PRTG: variants seen among roughly 807,000 people sequenced by gnomAD.
PRTG encodes protogenin.
In PRTG, 67 loss-of-function variants were observed where a neutral mutation model predicts 122.5. The observed-to-expected ratio is 0.55, with a 90% CI of 0.45 to 0.67. The LOEUF is 0.67. Among genes scored for constraint, PRTG ranks in the 30% least tolerant of loss-of-function variants. The pLI is 0.00. For missense variants in PRTG, 1,435 were observed against 1,415.4 expected, an observed-to-expected ratio of 1.01 and a Z score of -0.22; for synonymous variants, 554 against 501.1, an observed-to-expected ratio of 1.11 and a Z score of -1.41.
chr15:55,638,668 G>A lies in PRTG; in HGVS notation c.2333C>T (p.Thr778Ile). ...TTCTAGACCTTGAACCAACATGTGA[G>A]TTTCTGATCTATAATAACGAGTGAT... ...SLVLYLQTSE[T>I]HMLVQGLEPN... Residue 778 changes from threonine to isoleucine, a missense_variant, in exon 14 of 20, where the codon ACT becomes ATT. Transcript: ENST00000389286. The A allele has an allele frequency of 1.9e-6, 3 of 1,612,272 alleles. No individual in the cohort carries two copies. Among genetic ancestry groups the A allele is most frequent in the Non-Finnish European group, 2.5e-6 (3 of 1,179,302 alleles).
Position 55,612,308 on chromosome 15 carries a change from C to T in PRTG, c.*7704G>A, listed in dbSNP as rs1486966323. ...ACAGTTCCATAGAAAAAATAAACTT[C>T]TGTAACATAAATTTTTTTTCAGTTG... On this transcript the variant is annotated 3_prime_UTR_variant, in exon 20 of 20. Transcript: ENST00000389286. 1 of 151,946 alleles carries T rather than the reference C, an allele frequency of 6.6e-6. No individual in the cohort carries two copies. Among genetic ancestry groups the T allele is most frequent in the East Asian group, 1.9e-4 (1 of 5,202 alleles). 9.4% of individuals were successfully genotyped at this position (151,946 alleles called of 1,614,324 possible).
In PRTG at chr15:55,734,075, G is replaced by A. The variant is rs117915999; in HGVS notation, c.397+6307C>T. Among the ~76,000 whole-genome samples the A allele has an allele frequency of 4.3e-4, 66 of 152,270 alleles. No homozygotes were observed. In the East Asian group the frequency reaches 0.01, roughly 23 times the overall value. ...TGTCACAACTGGAAGAGAGTCTATC[G>A]GTATTGGGAGGGTAGAGGCCAGGGA... On this transcript the variant is annotated intron_variant, in intron 2 of 19. Transcript: ENST00000389286.
chr15:55,680,759 T>C (rs962991112), intron 4 of PRTG, 131 bp from the exon 5 acceptor site: 7 of 498,130 alleles, frequency 1.4e-5, no homozygotes, highest in African/African-American at 1.0e-4. Context: ...ATAACTCACA[T>C]ACCATCCAAT....
At chr15:55,642,941 G>C (rs1225354525) in intron 11 of PRTG, among the ~76,000 whole-genome samples, 2 of 151,998 alleles carry the variant, frequency 1.3e-5, no homozygotes, top group Non-Finnish European at 2.9e-5. Context: ...TGGTGTGGTG[G>C]TGCATGCCAT....
chr15:55,622,990 T>C, intron 18 of PRTG, among the ~76,000 whole-genome samples: 1 of 152,242 alleles, frequency 6.6e-6, no homozygotes, highest in Non-Finnish European at 1.5e-5. Flanking sequence ...CATTTATTCA[T>C]ATTTACCTAT....
At position 55,689,107 on chromosome 15, in the gene PRTG, A is replaced by G. The variant is rs373461400; in HGVS notation, c.398-5176T>C. The stretch of plus-strand genomic sequence containing the variant: ...AGCCTCTTATCTTGTTTCTGCTTTC[A>G]TTCTTCCCTTCCCCTCTTCAAAACA... On this transcript the variant is annotated intron_variant, in intron 2 of 19. Coordinates refer to ENST00000389286, the MANE Select transcript of PRTG (RefSeq NM_173814.6). Among the ~76,000 whole-genome samples, 41 of 152,216 alleles carry G rather than the reference A, an allele frequency of 2.7e-4. No homozygotes were observed. In the East Asian group the frequency reaches 7.0e-3, roughly 26 times the overall value.
chr15:55,657,340 CTA>C (rs2059385973), intron 11 of PRTG, among the ~76,000 whole-genome samples: 1 of 152,074 alleles, frequency 6.6e-6, no homozygotes, highest in Non-Finnish European at 1.5e-5. Context: ...GGACGTGTAG[CTA>C]TTCAAGAAAG....
At chr15:55,710,396 G>T (rs1166963023) in intron 2 of PRTG, among the ~76,000 whole-genome samples, 4 of 152,094 alleles carry the variant, frequency 2.6e-5, no homozygotes. Context: ...GAATTAAATA[G>T]GACTATTTGC....
chr15:55,626,576 C>G (rs549683765), intron 17 of PRTG, among the ~76,000 whole-genome samples: 1 of 150,028 alleles, frequency 6.7e-6, no homozygotes, highest in South Asian at 2.1e-4. Context: ...CGGTGAAACC[C>G]CATCTCTACT....
chr15:55,699,158 C>A (rs1046728104), intron 2 of PRTG, among the ~76,000 whole-genome samples: 1 of 152,126 alleles, frequency 6.6e-6, no homozygotes, highest in Non-Finnish European at 1.5e-5. Context: ...TAAAAAATGA[C>A]CCAACTTGGA....
chr15:55,734,549 T>C (rs1268436396), intron 2 of PRTG, among the ~76,000 whole-genome samples: 1 of 151,778 alleles, frequency 6.6e-6, no homozygotes, highest in Admixed American at 6.6e-5. Flanking sequence ...TCTCTAACAG[T>C]TATTCATAAT....
At chr15:55,711,554 C>T (rs2030388855) in intron 2 of PRTG, among the ~76,000 whole-genome samples, 1 of 152,086 alleles carries the variant, frequency 6.6e-6, no homozygotes, top group Non-Finnish European at 1.5e-5. Context: ...TCTCCTGGAA[C>T]TTGCCAAAGA....
rs552014198 is a variant in PRTG at position 55,623,526 on chromosome 15, A to G, written c.3093+816T>C. ...GGTCACAGTGAGCCGAGATCGTACCACTGCACTCCAGCCTGGGCAACAAGA... is the reference window on the plus strand; with the variant it reads ...GGTCACAGTGAGCCGAGATCGTACCGCTGCACTCCAGCCTGGGCAACAAGA... On this transcript the variant is annotated intron_variant, in intron 18 of 19. Transcript: ENST00000389286. Among the ~76,000 whole-genome samples the G allele has an allele frequency of 1.2e-4, 18 of 152,268 alleles. No homozygotes were observed. In the East Asian group the frequency reaches 2.3e-3, roughly 20 times the overall value.
At chr15:55,626,948 C>A in intron 17 of PRTG, 60 bp downstream of exon 17, 1 of 1,500,786 alleles carries the variant, frequency 6.7e-7, no homozygotes. Context: ...TCATTTGTTT[C>A]CTGTGGCTAC....
At chr15:55,692,416 G>A (rs1323102901) in intron 2 of PRTG, among the ~76,000 whole-genome samples, 3 of 152,186 alleles carry the variant, frequency 2.0e-5, no homozygotes, top group African/African-American at 7.2e-5. Context: ...GAGGTATTCA[G>A]GGGAGACCGA....
intron 11 of PRTG, among the ~76,000 whole-genome samples, chr15:55,654,013 T>C (rs908164193): frequency 1.3e-5 from 2 of 152,260 alleles, no homozygotes; most frequent in Admixed American, 6.5e-5. Context: ...TGAAGATTTC[T>C]ACCTGAACTT....
At chr15:55,684,961 C>T (rs2059562107) in intron 2 of PRTG, among the ~76,000 whole-genome samples, 1 of 152,094 alleles carries the variant, frequency 6.6e-6, no homozygotes, top group African/African-American at 2.4e-5. Context: ...CTTTGCAATT[C>T]TAGGCAGGCC....
Position 55,614,955 on chromosome 15 carries a change from G to C in PRTG, c.*5057C>G, listed in dbSNP as rs2059135498. ...GAATATGTTACCAAACATAGCAAAAGGAACTCTGTAGATGTGATTAAGTTG... is the reference window on the plus strand; with the variant it reads ...GAATATGTTACCAAACATAGCAAAACGAACTCTGTAGATGTGATTAAGTTG... On this transcript the variant is annotated 3_prime_UTR_variant, in exon 20 of 20. Coordinates refer to ENST00000389286, the MANE Select transcript of PRTG (RefSeq NM_173814.6). The C allele has an allele frequency of 6.6e-6, 1 of 152,082 alleles. No homozygotes were observed. Among genetic ancestry groups the C allele is most frequent in the Non-Finnish European group, 1.5e-5 (1 of 67,984 alleles). The allele number at this position is 152,082 out of a possible 1,614,324, so 9.4% of individuals were successfully genotyped here.
chr15:55,709,401 C>A (rs2414425), intron 2 of PRTG, among the ~76,000 whole-genome samples: 3 of 146,580 alleles, frequency 2.0e-5, no homozygotes, highest in South Asian at 2.1e-4. Flanking sequence ...AGAGAGAGAG[C>A]GCGTGAGAGA....
Sources: allele counts gnomAD v4.1 joint callset (sites outside exome capture counted in the v4.1 genomes callset), GRCh38; gene constraint gnomAD v4.1.1; transcripts MANE v1.5; gene names NCBI Gene and HGNC (gene_info 2026-07-23, HGNC 2026-07-21).